Variants in SLC44A3 observed in about 807,000 individuals in gnomAD.
SLC44A3 encodes the protein solute carrier family 44 member 3, also known as choline transporter-like protein 3.
A neutral mutation model predicts 75.4 loss-of-function variants in SLC44A3; 74 were observed. The ratio of observed to expected loss-of-function variants is 0.98; its 90% CI spans 0.81 to 1.19. The LOEUF is 1.19. Among genes scored for constraint, SLC44A3 ranks in the 50% most tolerant of loss-of-function variants. The pLI is 0.00. For missense variants in SLC44A3, 700 were observed against 778.6 expected (o/e 0.90, Z 1.20); for synonymous variants, 310 against 296.9 (o/e 1.04, Z -0.45).
intron 8 of SLC44A3, chr1:94,843,489 T>C (rs1270731171): frequency 6.6e-6 from 1 of 152,212 alleles, no homozygotes; most frequent in Non-Finnish European, 1.5e-5. Flanking sequence ...TCTCCCTGCA[T>C]GGTCAGGAGG....
intron 12 of SLC44A3, among the ~76,000 whole-genome samples, chr1:94,884,192 C>G (rs988934938): frequency 1.3e-5 from 2 of 152,242 alleles, no homozygotes; most frequent in Non-Finnish European, 2.9e-5. Flanking sequence ...TCCCACCTGG[C>G]TGCAGCCCCA....
At chr1:94,828,651 G>A in intron 5 of SLC44A3, 65 bp downstream of exon 5, 1 of 1,414,544 alleles carries the variant, frequency 7.1e-7, no homozygotes, top group South Asian at 1.2e-5. Flanking sequence ...GTGTGCATCT[G>A]TTACTCTTCT....
At chr1:94,845,117 T>G (rs367957679) in intron 8 of SLC44A3, among the ~76,000 whole-genome samples, 161 bp from the exon 9 acceptor site, 170 of 152,304 alleles carry the variant, frequency 1.1e-3, no homozygotes, top group African/African-American at 3.1e-3. Context: ...AGATGCTCAG[T>G]TAGTGTTTGC....
At chr1:94,841,667 G>T (rs1354071165) in intron 7 of SLC44A3, among the ~76,000 whole-genome samples, 1 of 152,184 alleles carries the variant, frequency 6.6e-6, no homozygotes, top group East Asian at 1.9e-4. Flanking sequence ...CTCTGGCATT[G>T]TCCCTCTCAC....
intron 9 of SLC44A3, among the ~76,000 whole-genome samples, chr1:94,856,882 G>A (rs1238499435): frequency 6.6e-6 from 1 of 151,908 alleles, no homozygotes; most frequent in Non-Finnish European, 1.5e-5. Flanking sequence ...AGGTGCCTGC[G>A]ACCATGCTTG....
Position 94,820,398 on chromosome 1 carries a change from C to A in SLC44A3, c.-54C>A. ...CCGGCTCGCGGGCGCTGCGTCTCCGCGTACAGGAGGCGGCGGCGGCTCCCA... is the reference window on the plus strand; with the variant it reads ...CCGGCTCGCGGGCGCTGCGTCTCCGAGTACAGGAGGCGGCGGCGGCTCCCA... On this transcript the variant is annotated 5_prime_UTR_variant, in exon 1 of 15. Transcript: ENST00000271227. The A allele has an allele frequency of 7.0e-7, 1 of 1,436,880 alleles. No homozygotes were observed. The highest frequency in any genetic ancestry group is 9.1e-7 in the Non-Finnish European group (1 of 1,098,126). 89.0% of individuals were successfully genotyped at this position (1,436,880 alleles called of 1,614,324 possible). A position where few individuals can be genotyped will look rare whatever the true frequency, so the allele number is the denominator to read the frequency against.
chr1:94,840,037 TGTAA>T lies in SLC44A3; in HGVS notation c.760+4_760+7del. On this transcript the variant is annotated splice_donor_variant and splice_donor_region_variant and intron_variant, in intron 7 of 14. Coordinates refer to ENST00000271227, the MANE Select transcript of SLC44A3 (RefSeq NM_001114106.3). LOFTEE classifies it high-confidence loss of function. ...TTCATTGGTTATTTTGGGATTGTTG[TGTAA>T]GTATTTCTCTACTTGACTGATTTCT... 2 of 1,608,784 alleles carry T rather than the reference TGTAA, an allele frequency of 1.2e-6. No homozygotes were observed. The highest frequency in any genetic ancestry group is 1.7e-6 in the Non-Finnish European group (2 of 1,175,136).
chr1:94,892,402 GTTT>G lies in SLC44A3; in HGVS notation c.1746_1748del (p.Phe582del). 6.2e-7 allele frequency: 1 copy of G among 1,614,134 alleles called. No individual in the cohort carries two copies. Among genetic ancestry groups the G allele is most frequent in the Non-Finnish European group, 8.5e-7 (1 of 1,180,026 alleles). On this transcript the variant is annotated inframe_deletion, in exon 14 of 15. Coordinates refer to ENST00000271227, the MANE Select transcript of SLC44A3 (RefSeq NM_001114106.3). ...TTTTTTGCCTACTTAGTAGCCCATA[GTTT>G]TTTATCTGTGTTTGAAACTGTGCTG...
chr1:94,844,366 C>T (rs1050307992), intron 8 of SLC44A3, among the ~76,000 whole-genome samples: 4 of 152,168 alleles, frequency 2.6e-5, no homozygotes, highest in African/African-American at 9.7e-5. Flanking sequence ...ATTCTTCCAG[C>T]ACCTAGAGGA....
chr1:94,860,081 A>C (rs1407181791), intron 10 of SLC44A3, among the ~76,000 whole-genome samples: 1 of 152,226 alleles, frequency 6.6e-6, no homozygotes, highest in African/African-American at 2.4e-5. Context: ...AATGCCTCTA[A>C]GTGAAAGAAG....
intron 9 of SLC44A3, among the ~76,000 whole-genome samples, chr1:94,846,034 C>A (rs1458937356): frequency 6.6e-6 from 1 of 151,728 alleles, no homozygotes; most frequent in East Asian, 1.9e-4. Context: ...GTAATCCCAG[C>A]TGCTGGGGAG....
chr1:94,868,937 TAGG>T (rs754403799), intron 12 of SLC44A3, among the ~76,000 whole-genome samples: 67 of 152,320 alleles, frequency 4.4e-4, no homozygotes, highest in Non-Finnish European at 6.0e-4. Flanking sequence ...ACCACCACAT[TAGG>T]AGGGCAGAGA....
intron 12 of SLC44A3, among the ~76,000 whole-genome samples, chr1:94,880,903 CA>C (rs10700127): frequency 3.3e-4 from 46 of 140,790 alleles, no homozygotes; most frequent in Non-Finnish European, 4.9e-4. Context: ...TTTTTAATGA[CA>C]AAAAAAAAAA....
intron 10 of SLC44A3, among the ~76,000 whole-genome samples, chr1:94,858,274 GA>G (rs1476662780): frequency 2.0e-5 from 3 of 151,976 alleles, no homozygotes; most frequent in Admixed American, 6.6e-5. Context: ...TTTGCTTGGG[GA>G]AAAAAATTAA....
In SLC44A3 at chr1:94,847,990, A is replaced by T. The variant is rs566050599; in HGVS notation, c.1072+2526A>T. ...ACGCCTGTAATCCCAGCACTTTGGG[A>T]GGCCAAGGCGGGCGGATCATGAGGT... On this transcript the variant is annotated intron_variant, in intron 9 of 14. Transcript: ENST00000271227. Among the ~76,000 whole-genome samples, 11 of 152,216 alleles carry T rather than the reference A, an allele frequency of 7.2e-5. No individual in the cohort carries two copies. The South Asian group carries it at 2.3e-3, about 32-fold the overall frequency.
At chr1:94,844,066 C>T (rs1349481919) in intron 8 of SLC44A3, among the ~76,000 whole-genome samples, 1 of 152,108 alleles carries the variant, frequency 6.6e-6, no homozygotes, top group Non-Finnish European at 1.5e-5. Context: ...AGTCCTTGAC[C>T]ATAAGAATGG....
At chr1:94,827,787 G>T (rs537890293) in intron 4 of SLC44A3, 144 bp downstream of exon 4, 1 of 967,380 alleles carries the variant, frequency 1.0e-6, no homozygotes, top group Non-Finnish European at 1.5e-6. Flanking sequence ...GTGTGGAAAA[G>T]GCCGTAAGCA....
chr1:94,859,434 A>G (rs9432593), intron 10 of SLC44A3, among the ~76,000 whole-genome samples: 31,246 of 152,166 alleles, frequency 0.21, 3,447 homozygotes, highest in Middle Eastern at 0.27. Flanking sequence ...GAGGTGGAGC[A>G]GTGCCCTAAG....
At chr1:94,847,316 G>C (rs964037932) in intron 9 of SLC44A3, among the ~76,000 whole-genome samples, 39 of 152,172 alleles carry the variant, frequency 2.6e-4, no homozygotes, top group African/African-American at 9.2e-4. Flanking sequence ...ATAGTGAAAG[G>C]CTGCTCAGGC....
Sources: gnomAD v4.1 joint callset for allele counts (sites outside exome capture counted in the v4.1 genomes callset) on GRCh38, gnomAD v4.1.1 for gene constraint, MANE v1.5 for transcripts, NCBI Gene and HGNC (gene_info 2026-07-23, HGNC 2026-07-21) for gene names.